The following CNTN4 variants were observed in gnomAD, a reference collection of about 807,000 sequenced individuals.
CNTN4 encodes contactin-4.
A neutral mutation model predicts 122.5 loss-of-function variants in CNTN4; 77 were observed. The ratio of observed to expected loss-of-function variants is 0.63; its 90% CI spans 0.52 to 0.76. The LOEUF (loss-of-function observed/expected upper bound fraction) is 0.76, where lower values mean the gene tolerates loss of function less well. CNTN4 is among the 30% of genes least tolerant of loss of function. The pLI is 0.00. For missense variants in CNTN4, 1,256 were observed against 1,259.1 expected (o/e 1.00, Z 0.04); for synonymous variants, 512 against 447.0 (o/e 1.15, Z -1.83).
rs533782793 is a variant in CNTN4 at position 2,707,625 on chromosome 3, T to A, written c.56-28590T>A. Among the ~76,000 whole-genome samples the A allele has an allele frequency of 5.5e-5, 8 of 144,684 alleles. No individual in the cohort carries two copies. In the East Asian group the frequency reaches 1.7e-3, roughly 31 times the overall value. 94.9% of individuals were successfully genotyped at this position (144,684 alleles called of 152,430 possible). On this transcript the variant is annotated intron_variant, in intron 4 of 24. Coordinates refer to ENST00000418658, the MANE Select transcript of CNTN4 (RefSeq NM_175607.3). ...TTTAACTTAATTAAATATTGTTTGA[T>A]GCTTCTTTTTCTTTTGTTTTATTTG...
chr3:2,357,991 T>A (rs78262820), intron 3 of CNTN4, among the ~76,000 whole-genome samples: 22 of 152,294 alleles, frequency 1.4e-4, no homozygotes, highest in African/African-American at 5.3e-4. Flanking sequence ...TCTACACTTA[T>A]CGTTTCGTTT....
At chr3:2,607,522 A>T (rs994806557) in intron 4 of CNTN4, among the ~76,000 whole-genome samples, 1 of 151,964 alleles carries the variant, frequency 6.6e-6, no homozygotes, top group African/African-American at 2.4e-5. Context: ...AAAATAAAAA[A>T]TTTCAAAAGG....
intron 2 of CNTN4, among the ~76,000 whole-genome samples, chr3:2,127,640 C>T (rs1190977500): frequency 9.2e-6 from 1 of 108,304 alleles, no homozygotes; most frequent in Non-Finnish European, 2.1e-5. Context: ...GCCCCACAAC[C>T]CCACCCATTA....
At chr3:2,632,232 G>GT in intron 4 of CNTN4, among the ~76,000 whole-genome samples, 1 of 152,008 alleles carries the variant, frequency 6.6e-6, no homozygotes, top group Admixed American at 6.6e-5. Flanking sequence ...TAGTGCAGTC[G>GT]TATCTTATTT....
chr3:2,502,096 G>T (rs1403020842), intron 3 of CNTN4, among the ~76,000 whole-genome samples: 1 of 151,992 alleles, frequency 6.6e-6, no homozygotes, highest in Admixed American at 6.6e-5. Context: ...AAAAATTTTT[G>T]AAATTTGAAA....
At chr3:2,475,234 TATC>T (rs1363864476) in intron 3 of CNTN4, among the ~76,000 whole-genome samples, 1 of 152,206 alleles carries the variant, frequency 6.6e-6, no homozygotes, top group Admixed American at 6.5e-5. Context: ...AGATAACTGC[TATC>T]ATGTTGAGGA....
At chr3:2,302,235 C>A (rs1218471476) in intron 2 of CNTN4, among the ~76,000 whole-genome samples, 1 of 152,112 alleles carries the variant, frequency 6.6e-6, no homozygotes, top group African/African-American at 2.4e-5. Context: ...TTGAGACCAG[C>A]CTGGCCAACA....
chr3:2,225,100 G>C (rs549247254), intron 2 of CNTN4, among the ~76,000 whole-genome samples: 1 of 151,466 alleles, frequency 6.6e-6, no homozygotes, highest in Non-Finnish European at 1.5e-5. Flanking sequence ...CAAGTGAGCC[G>C]AGATCGCACC....
At chr3:2,902,443 T>C (rs543130008) in intron 11 of CNTN4, among the ~76,000 whole-genome samples, 6 of 152,258 alleles carry the variant, frequency 3.9e-5, no homozygotes, top group Non-Finnish European at 7.4e-5. Context: ...AAGATTGTAA[T>C]CCTATTAACC....
chr3:2,885,838 C>T (rs2093968733), intron 9 of CNTN4, among the ~76,000 whole-genome samples: 1 of 152,168 alleles, frequency 6.6e-6, no homozygotes, highest in Non-Finnish European at 1.5e-5. Context: ...AAGAGTCTCA[C>T]ACACATTTCT....
intron 3 of CNTN4, among the ~76,000 whole-genome samples, chr3:2,469,459 T>C (rs1038869527): frequency 1.3e-5 from 2 of 152,200 alleles, no homozygotes; most frequent in Admixed American, 1.3e-4. Flanking sequence ...CTTTAATCTA[T>C]ATACAGTTTT....
intron 2 of CNTN4, among the ~76,000 whole-genome samples, chr3:2,186,042 T>C (rs1043049442): frequency 6.6e-6 from 1 of 152,188 alleles, no homozygotes; most frequent in Non-Finnish European, 1.5e-5. Context: ...TAACTCGTCA[T>C]TTACGTTAGG....
intron 3 of CNTN4, among the ~76,000 whole-genome samples, chr3:2,375,744 C>T (rs564026550): frequency 2.0e-5 from 3 of 151,966 alleles, no homozygotes; most frequent in African/African-American, 7.2e-5. Context: ...GAAGTGTTAC[C>T]GGGTTTATGT....
intron 2 of CNTN4, among the ~76,000 whole-genome samples, chr3:2,318,393 A>G (rs1410697202): frequency 6.6e-6 from 1 of 152,134 alleles, no homozygotes; most frequent in Non-Finnish European, 1.5e-5. Flanking sequence ...TCCATCAGGA[A>G]TTGTCAGAAT....
chr3:2,186,724 G>T (rs1231258019), intron 2 of CNTN4, among the ~76,000 whole-genome samples: 1 of 152,174 alleles, frequency 6.6e-6, no homozygotes, highest in Non-Finnish European at 1.5e-5. Context: ...CTGCATAAAT[G>T]TCTTCTTCTG....
chr3:2,175,643 C>G (rs548207905), intron 2 of CNTN4, among the ~76,000 whole-genome samples: 1 of 152,110 alleles, frequency 6.6e-6, no homozygotes, highest in Non-Finnish European at 1.5e-5. Context: ...CTGCTTGATA[C>G]CAGATGACTT....
intron 8 of CNTN4, among the ~76,000 whole-genome samples, chr3:2,870,914 C>T (rs1302861769): frequency 6.6e-6 from 1 of 152,116 alleles, no homozygotes; most frequent in Non-Finnish European, 1.5e-5. Flanking sequence ...TGGCTCAGTT[C>T]CTAATACAAA....
At position 2,946,372 on chromosome 3, in the gene CNTN4, T is replaced by C. The variant is rs183012923; in HGVS notation, c.1358+20593T>C. On this transcript the variant is annotated intron_variant, in intron 13 of 24. Transcript: ENST00000418658. Reference sequence around the variant, plus strand: ...CCCCAGGACTTTTGTTTTACATTTATGGTAAAACTGAGGTTAGATGATTCA... The same window carrying C: ...CCCCAGGACTTTTGTTTTACATTTACGGTAAAACTGAGGTTAGATGATTCA... Among the ~76,000 whole-genome samples the C allele has an allele frequency of 4.1e-3, 617 of 152,326 alleles. 4 individuals are homozygous for C. The highest frequency in any genetic ancestry group is 0.014 in the African/African-American group (585 of 41,584).
In CNTN4 at chr3:2,670,321, G is replaced by T. The variant is rs375371534; in HGVS notation, c.56-65894G>T. On this transcript the variant is annotated intron_variant, in intron 4 of 24. Transcript: ENST00000418658. Reference sequence around the variant, plus strand: ...TTTAGGATAGTTAGCTCTTCTTGTTGAATTGATCCCTTTACCATTATGTAA... The same window carrying T: ...TTTAGGATAGTTAGCTCTTCTTGTTTAATTGATCCCTTTACCATTATGTAA... Among the ~76,000 whole-genome samples the T allele has an allele frequency of 9.5e-4, 145 of 152,268 alleles. 2 individuals carry two copies. Among genetic ancestry groups the T allele is most frequent in the Admixed American group, 7.2e-4 (11 of 15,300 alleles).
Sources: allele counts gnomAD v4.1 joint callset (sites outside exome capture counted in the v4.1 genomes callset), GRCh38; gene constraint gnomAD v4.1.1; transcripts MANE v1.5; gene names NCBI Gene and HGNC (gene_info 2026-07-23, HGNC 2026-07-21).